C9orf85: variants seen among roughly 807,000 people sequenced by gnomAD.
C9orf85 encodes chromosome 9 open reading frame 85, also known as uncharacterized protein C9orf85.
In C9orf85, 16 loss-of-function variants were observed where a neutral mutation model predicts 14.9. The ratio of observed to expected loss-of-function variants is 1.08; its 90% confidence interval spans 0.73 to 1.63. The LOEUF is 1.63. Among genes scored for constraint, C9orf85 ranks in the 40% most tolerant of loss-of-function variants. The probability of loss-of-function intolerance (pLI) is 0.00; values close to 1 mark genes in which losing one functional copy is unlikely to be tolerated. For synonymous variants in C9orf85, 45 were observed against 56.8 expected (o/e 0.79, Z 0.93); for missense variants, 172 against 186.1 (o/e 0.92, Z 0.44).
At chr9:71,936,116 A>G (rs1289160166) in intron 1 of C9orf85, among the ~76,000 whole-genome samples, 1 of 152,250 alleles carries the variant, frequency 6.6e-6, no homozygotes, top group East Asian at 1.9e-4. Flanking sequence ...CAGGAGGAAC[A>G]GATTGTATTG....
chr9:71,963,808 G>C (rs1822601102), intron 2 of C9orf85, among the ~76,000 whole-genome samples: 1 of 152,204 alleles, frequency 6.6e-6, no homozygotes, highest in African/African-American at 2.4e-5. Context: ...AGTCCGCCAT[G>C]CCTGGGCCTC....
chr9:71,923,553 A>G (rs936453659), intron 1 of C9orf85, among the ~76,000 whole-genome samples: 3 of 152,128 alleles, frequency 2.0e-5, no homozygotes, highest in Non-Finnish European at 2.9e-5. Context: ...TAGGCATGAG[A>G]CACGGCGCCC....
In C9orf85 at chr9:71,965,171, G is replaced by A. The variant is rs369315894; in HGVS notation, c.210-6334G>A. 7.2e-5 allele frequency among the ~76,000 whole-genome samples: 11 copies of A among 152,262 alleles called. No individual in the cohort carries two copies. In the East Asian group the frequency reaches 1.4e-3, roughly 19 times the overall value. ...ATACAAAGGTAGGGGACCCAAAGAG[G>A]GTAGCCATTGCCGGCTTGAATGCCT... On this transcript the variant is annotated intron_variant, in intron 2 of 3. Transcript: ENST00000334731.
intron 1 of C9orf85, 108 bp downstream of exon 1, chr9:71,911,944 C>G (rs1397512997): frequency 1.1e-6 from 1 of 951,230 alleles, no homozygotes; most frequent in Non-Finnish European, 1.7e-6. Context: ...GGACCGCAGC[C>G]CAGAGTTAGT....
At chr9:71,933,404 T>C (rs1828115401) in intron 1 of C9orf85, among the ~76,000 whole-genome samples, 1 of 152,216 alleles carries the variant, frequency 6.6e-6, no homozygotes, top group East Asian at 1.9e-4. Flanking sequence ...CCCTGTTATA[T>C]GCAGGAGGAA....
chr9:71,938,122 A>T (rs1298044846), intron 1 of C9orf85, among the ~76,000 whole-genome samples: 1 of 152,126 alleles, frequency 6.6e-6, no homozygotes, highest in African/African-American at 2.4e-5. Flanking sequence ...ATTTTTGAGG[A>T]TAGTACACAT....
intron 2 of C9orf85, among the ~76,000 whole-genome samples, chr9:71,967,852 G>A (rs1387821437): frequency 6.6e-6 from 1 of 151,174 alleles, no homozygotes; most frequent in Non-Finnish European, 1.5e-5. Context: ...TCATCATTAA[G>A]TAGGAAATTA....
chr9:71,924,055 C>T (rs1433322208), intron 1 of C9orf85, among the ~76,000 whole-genome samples: 1 of 152,156 alleles, frequency 6.6e-6, no homozygotes, highest in African/African-American at 2.4e-5. Flanking sequence ...CCAAAAGATC[C>T]TCTTAACTGT....
At chr9:71,958,284 C>T (rs912606980) in intron 2 of C9orf85, among the ~76,000 whole-genome samples, 9 of 141,056 alleles carry the variant, frequency 6.4e-5, no homozygotes, top group Admixed American at 2.2e-4. Context: ...TTTTTTGAGA[C>T]GGAGTTTCGC....
intron 2 of C9orf85, among the ~76,000 whole-genome samples, chr9:71,967,611 G>A (rs977469572): frequency 6.6e-6 from 1 of 150,510 alleles, no homozygotes; most frequent in Admixed American, 6.6e-5. Context: ...TTTATGTCCA[G>A]TTCATTTTAA....
intron 1 of C9orf85, among the ~76,000 whole-genome samples, chr9:71,915,000 GA>G (rs1827610690): frequency 6.6e-6 from 1 of 152,072 alleles, no homozygotes; most frequent in Admixed American, 6.6e-5. Context: ...GATGTCCAAC[GA>G]AAAGAGCACT....
downstream of C9orf85, among the ~76,000 whole-genome samples, chr9:71,976,530 C>G (rs1356642985): frequency 6.6e-6 from 1 of 151,994 alleles, no homozygotes; most frequent in Admixed American, 6.6e-5. Context: ...GGCGTGGTGG[C>G]GGGCGCCTGT....
intron 1 of C9orf85, among the ~76,000 whole-genome samples, chr9:71,919,114 T>G (rs1827729047): frequency 6.6e-6 from 1 of 152,208 alleles, no homozygotes; most frequent in Non-Finnish European, 1.5e-5. Context: ...TCGTGGGTTG[T>G]GATGCCTGAC....
At chr9:71,956,333 T>G (rs1250128748) in intron 2 of C9orf85, among the ~76,000 whole-genome samples, 5 of 129,938 alleles carry the variant, frequency 3.8e-5, no homozygotes, top group African/African-American at 1.4e-4. Flanking sequence ...CGCCACAACC[T>G]CCACCTCCCA....
At position 71,940,012 on chromosome 9, in the gene C9orf85, A is replaced by G. The variant is rs78113125; in HGVS notation, c.103-6994A>G. Among the ~76,000 whole-genome samples the G allele has an allele frequency of 8.6e-3, 1,309 of 152,294 alleles. 19 individuals carry two copies. Among genetic ancestry groups the G allele is most frequent in the African/African-American group, 0.029 (1,216 of 41,566 alleles). On this transcript the variant is annotated intron_variant, in intron 1 of 3. Transcript: ENST00000334731. Reference sequence around the variant, plus strand: ...AACAGATTAAGATCTTTTTTATTCAAGAGTCAAAAAGTATGGTTCATGAAA... The same window carrying G: ...AACAGATTAAGATCTTTTTTATTCAGGAGTCAAAAAGTATGGTTCATGAAA...
chr9:71,942,238 G>A (rs1348754507), intron 1 of C9orf85, among the ~76,000 whole-genome samples: 1 of 152,192 alleles, frequency 6.6e-6, no homozygotes, highest in Non-Finnish European at 1.5e-5. Flanking sequence ...TCTGTGAAAT[G>A]CTTTGTGTTG....
At position 71,973,399 on chromosome 9, in the gene C9orf85, ATTGGTCCTCGGTAAGTGCCTT is replaced by A. The variant is rs1441527979; in HGVS notation, c.*561_*581del. ...ATAACATTATTACATTGCCTCAAAA[ATTGGTCCTCGGTAAGTGCCTT>A]TTGATAAATGATCTCAAATAAATGA... On this transcript the variant is annotated 3_prime_UTR_variant, in exon 4 of 4. Transcript: ENST00000334731. The A allele has an allele frequency of 6.6e-6, 1 of 152,172 alleles. No homozygotes were observed. Among genetic ancestry groups the A allele is most frequent in the Non-Finnish European group, 1.5e-5 (1 of 68,032 alleles). 9.4% of individuals were successfully genotyped at this position (152,172 alleles called of 1,614,324 possible). A position where few individuals can be genotyped will look rare whatever the true frequency, so the allele number is the denominator to read the frequency against.
intron 1 of C9orf85, among the ~76,000 whole-genome samples, chr9:71,944,110 TG>T (rs1432470274): frequency 1.3e-5 from 2 of 151,676 alleles, no homozygotes; most frequent in Admixed American, 1.3e-4. Context: ...GGTGCACGCC[TG>T]TAATCCCAGC....
At chr9:71,981,243 T>G (rs759513590) in intron 3 of C9orf85, among the ~76,000 whole-genome samples, 7 of 152,356 alleles carry the variant, frequency 4.6e-5, no homozygotes, top group Non-Finnish European at 1.0e-4. Context: ...AGCTCCATAG[T>G]ATGCTTGGAC....
Sources: gnomAD v4.1 joint callset for allele counts (sites outside exome capture counted in the v4.1 genomes callset) on GRCh38, gnomAD v4.1.1 for gene constraint, MANE v1.5 for transcripts, NCBI Gene and HGNC (gene_info 2026-07-23, HGNC 2026-07-21) for gene names.